The following TTC28 variants were observed in gnomAD, a reference collection of about 807,000 sequenced individuals.
The protein encoded by TTC28 is tetratricopeptide repeat domain 28.
TTC28 carries 61 observed loss-of-function variants against 198.0 expected under a neutral mutation model. The ratio of observed to expected loss-of-function variants is 0.31; its 90% CI spans 0.25 to 0.38. The LOEUF (loss-of-function observed/expected upper bound fraction) is 0.38, where lower values mean the gene tolerates loss of function less well. Ranked by LOEUF, TTC28 falls within the 10% of genes least tolerant of loss-of-function variation. TTC28 has a pLI of 1.00. For missense variants in TTC28, 2,678 were observed against 3,164.0 expected, an observed-to-expected ratio of 0.85 and a Z score of 3.69; for synonymous variants, 1,171 against 1,297.8, an observed-to-expected ratio of 0.90 and a Z score of 2.10.
intron 2 of TTC28, among the ~76,000 whole-genome samples, chr22:28,561,571 TATA>T (rs2049881399): frequency 6.6e-6 from 1 of 152,192 alleles, no homozygotes; most frequent in Non-Finnish European, 1.5e-5. Flanking sequence ...ATTTAATAGA[TATA>T]ATGTCATTCC....
At chr22:28,188,583 T>C (rs535071642) in intron 5 of TTC28, among the ~76,000 whole-genome samples, 11 of 152,282 alleles carry the variant, frequency 7.2e-5, no homozygotes, top group African/African-American at 2.4e-4. Context: ...GCCTACTGTC[T>C]GGAGATGTTT....
intron 5 of TTC28, among the ~76,000 whole-genome samples, chr22:28,247,632 G>A (rs949091099): frequency 1.2e-4 from 19 of 152,162 alleles, no homozygotes; most frequent in Admixed American, 5.2e-4. Context: ...TGGGGGAAGA[G>A]AAATAGAGAA....
At chr22:28,612,570 C>T (rs951751192) in intron 2 of TTC28, among the ~76,000 whole-genome samples, 1 of 152,124 alleles carries the variant, frequency 6.6e-6, no homozygotes, top group Non-Finnish European at 1.5e-5. Context: ...CAAAATTGAC[C>T]ACATAGTTGG....
chr22:28,310,250 C>T (rs1325340557), intron 2 of TTC28, among the ~76,000 whole-genome samples: 2 of 151,968 alleles, frequency 1.3e-5, no homozygotes, highest in East Asian at 3.9e-4. Flanking sequence ...AGTGTCTTGA[C>T]TGCTGGCTGC....
intron 12 of TTC28, among the ~76,000 whole-genome samples, chr22:28,038,442 G>A (rs1026927585): frequency 2.6e-5 from 4 of 152,160 alleles, no homozygotes; most frequent in Non-Finnish European, 5.9e-5. Context: ...TTAATAAATG[G>A]TGCTGGGAAA....
intron 5 of TTC28, among the ~76,000 whole-genome samples, chr22:28,284,208 T>C (rs1261548608): frequency 2.0e-5 from 3 of 152,120 alleles, no homozygotes; most frequent in African/African-American, 4.8e-5. Context: ...CACAAGCATG[T>C]TGAATGGATA....
Position 28,105,765 on chromosome 22 carries a change from C to A in TTC28, c.2821G>T (p.Glu941Ter). 6.4e-7 allele frequency: 1 copy of A among 1,551,636 alleles called. No individual in the cohort carries two copies. Among genetic ancestry groups the A allele is most frequent in the Non-Finnish European group, 8.7e-7 (1 of 1,146,984 alleles). The change falls in exon 8 of 23, where the codon GAA becomes TAA. Residue 941 changes from glutamate (E) to a stop codon, truncating the protein, a stop_gained. Transcript: ENST00000397906. LOFTEE classifies it high-confidence loss of function. The stretch of plus-strand genomic sequence containing the variant: ...TCATGAGCAACCACGAGCCTCTTTT[C>A]AAAGCACACAAGGGCTTGCTGCAAG... The part of the protein sequence containing the change: ...GSLQQALVCF[E>*]KRLVVAHELG...
At chr22:28,042,974 G>A (rs1055830608) in intron 12 of TTC28, among the ~76,000 whole-genome samples, 5 of 151,992 alleles carry the variant, frequency 3.3e-5, no homozygotes, top group Admixed American at 6.5e-5. Context: ...GGCCAGGCAC[G>A]GTGGCTCATG....
At chr22:28,508,526 C>G (rs545893321) in intron 2 of TTC28, among the ~76,000 whole-genome samples, 34 of 152,180 alleles carry the variant, frequency 2.2e-4, no homozygotes, top group Admixed American at 1.9e-3. Context: ...CTTAGGTGAT[C>G]CACCCACCTC....
intron 11 of TTC28, 21 bp from the exon 12 acceptor site, chr22:28,094,266 C>A (rs1205505991): frequency 2.0e-6 from 3 of 1,533,896 alleles, no homozygotes; most frequent in Non-Finnish European, 2.6e-6. Flanking sequence ...ACAGGCACAG[C>A]CAACATTATA....
At chr22:28,415,524 T>G (rs900075036) in intron 2 of TTC28, among the ~76,000 whole-genome samples, 3 of 152,220 alleles carry the variant, frequency 2.0e-5, no homozygotes, top group Non-Finnish European at 4.4e-5. Flanking sequence ...GTAAATATGA[T>G]TTGAAACGTC....
chr22:28,612,997 GGAGATA>G (rs2050844415), intron 2 of TTC28, among the ~76,000 whole-genome samples: 1 of 152,066 alleles, frequency 6.6e-6, no homozygotes. Flanking sequence ...CAGAACTGAA[GGAGATA>G]GAGACATGAA....
At chr22:28,332,159 A>C (rs2045626589) in intron 2 of TTC28, among the ~76,000 whole-genome samples, 1 of 152,070 alleles carries the variant, frequency 6.6e-6, no homozygotes, top group South Asian at 2.1e-4. Context: ...AAATGCTTAA[A>C]AACTAGGTTC....
intron 21 of TTC28, among the ~76,000 whole-genome samples, chr22:27,988,281 C>CTTTT (rs138641): frequency 0.042 from 4,189 of 99,296 alleles, 264 homozygotes; most frequent in African/African-American, 0.11. Context: ...AAGAAGCTTG[C>CTTTT]TTTTTTTTTT....
intron 2 of TTC28, among the ~76,000 whole-genome samples, chr22:28,475,815 C>T (rs1178010918): frequency 2.6e-5 from 4 of 152,180 alleles, no homozygotes; most frequent in African/African-American, 7.2e-5. Flanking sequence ...AATGGGAAAT[C>T]ACTAACCCAA....
intron 2 of TTC28, among the ~76,000 whole-genome samples, chr22:28,469,856 A>G (rs775901123): frequency 8.6e-5 from 13 of 151,976 alleles, no homozygotes; most frequent in Non-Finnish European, 1.8e-4. Flanking sequence ...ATTTTTGGAG[A>G]CAGGGTCTCA....
At chr22:28,324,734 G>A (rs1009644197) in intron 2 of TTC28, among the ~76,000 whole-genome samples, 6 of 152,086 alleles carry the variant, frequency 3.9e-5, no homozygotes, top group African/African-American at 7.2e-5. Context: ...CTGATGGAAC[G>A]TATCTAAAAA....
intron 2 of TTC28, among the ~76,000 whole-genome samples, chr22:28,498,181 A>G (rs962460637): frequency 6.6e-6 from 1 of 151,488 alleles, no homozygotes; most frequent in Non-Finnish European, 1.5e-5. Context: ...TGGTGGTGGT[A>G]GCAAGAAATT....
At chr22:28,283,325 TACACACACAC>T (rs35766225) in intron 5 of TTC28, among the ~76,000 whole-genome samples, 1 of 149,540 alleles carries the variant, frequency 6.7e-6, no homozygotes, top group Non-Finnish European at 1.5e-5. Context: ...CTTTCTCTCT[TACACACACAC>T]ACACACACAC....
Sources: gnomAD v4.1 joint callset for allele counts (sites outside exome capture counted in the v4.1 genomes callset) on GRCh38, gnomAD v4.1.1 for gene constraint, MANE v1.5 for transcripts, NCBI Gene and HGNC (gene_info 2026-07-23, HGNC 2026-07-21) for gene names.